The following CTNNA2 variants were observed in gnomAD, a reference collection of about 807,000 sequenced individuals.
CTNNA2 encodes catenin alpha 2.
CTNNA2 carries 42 observed loss-of-function variants against 101.0 expected under a neutral mutation model. The observed-to-expected ratio is 0.42, with a 90% CI of 0.32 to 0.54. The LOEUF (loss-of-function observed/expected upper bound fraction) is 0.54, where lower values mean the gene tolerates loss of function less well. Among genes scored for constraint, CTNNA2 ranks in the 20% least tolerant of loss-of-function variants. CTNNA2 has a pLI of 0.14. For synonymous variants in CTNNA2, 450 were observed against 456.4 expected, an observed-to-expected ratio of 0.99 and a Z score of 0.18; for missense variants, 871 against 1,223.1, an observed-to-expected ratio of 0.71 and a Z score of 4.29.
chr2:80,247,284 G>A (rs934905889), intron 7 of CTNNA2, among the ~76,000 whole-genome samples: 1 of 152,128 alleles, frequency 6.6e-6, no homozygotes, highest in African/African-American at 2.4e-5. Flanking sequence ...TGGACTCCCT[G>A]TTGCCAATAG....
At chr2:79,784,999 CT>C (rs375267617) in intron 3 of CTNNA2, among the ~76,000 whole-genome samples, 2 of 152,104 alleles carry the variant, frequency 1.3e-5, no homozygotes, top group Non-Finnish European at 1.5e-5. Flanking sequence ...GATATGTGTA[CT>C]TTTTTGTATA....
At chr2:79,802,682 T>G (rs1467016690) in intron 3 of CTNNA2, among the ~76,000 whole-genome samples, 1 of 152,216 alleles carries the variant, frequency 6.6e-6, no homozygotes, top group African/African-American at 2.4e-5. Context: ...AAAAAAGACT[T>G]GGAAGATTAA....
chr2:79,784,889 T>C (rs1444379888), intron 3 of CTNNA2, among the ~76,000 whole-genome samples: 1 of 152,112 alleles, frequency 6.6e-6, no homozygotes, highest in Non-Finnish European at 1.5e-5. Flanking sequence ...AACTTACTTA[T>C]GCTATTAGAA....
intron 2 of CTNNA2, among the ~76,000 whole-genome samples, chr2:79,208,452 TG>T (rs1044929817): frequency 2.0e-5 from 3 of 152,150 alleles, no homozygotes; most frequent in East Asian, 1.9e-4. Context: ...CCTGTTAGTA[TG>T]GGGGATATCC....
At chr2:79,405,413 C>A (rs866185687) in intron 4 of CTNNA2, among the ~76,000 whole-genome samples, 1 of 152,056 alleles carries the variant, frequency 6.6e-6, no homozygotes, top group Admixed American at 6.6e-5. Context: ...GCAATCTCCA[C>A]CTCCTGGGTT....
At chr2:80,317,619 C>T (rs1371813441) in intron 7 of CTNNA2, among the ~76,000 whole-genome samples, 3 of 152,168 alleles carry the variant, frequency 2.0e-5, no homozygotes, top group Admixed American at 2.0e-4. Flanking sequence ...TTCAAACTTT[C>T]CTCCTGGATT....
At chr2:79,288,725 C>T (rs754853408) in intron 2 of CTNNA2, among the ~76,000 whole-genome samples, 7 of 152,176 alleles carry the variant, frequency 4.6e-5, no homozygotes, top group Non-Finnish European at 1.0e-4. Flanking sequence ...CAGTCTCTTA[C>T]ACCTGGGCCC....
chr2:80,445,224 C>T (rs977835548), intron 9 of CTNNA2, among the ~76,000 whole-genome samples: 53 of 151,830 alleles, frequency 3.5e-4, no homozygotes, highest in African/African-American at 1.0e-3. Context: ...TCCTGTCATC[C>T]GGGCTGGAGT....
intron 2 of CTNNA2, among the ~76,000 whole-genome samples, chr2:79,208,853 ATAACTT>A (rs1674134016): frequency 6.6e-6 from 1 of 152,240 alleles, no homozygotes. Flanking sequence ...TCAGGAATGA[ATAACTT>A]TATATTACTC....
chr2:79,281,865 G>C (rs1241231785), intron 2 of CTNNA2, among the ~76,000 whole-genome samples: 6 of 152,144 alleles, frequency 3.9e-5, no homozygotes, highest in Non-Finnish European at 8.8e-5. Flanking sequence ...TTTTAGAGTA[G>C]AGATGCTGAT....
chr2:79,279,642 A>G (rs1415690431), intron 2 of CTNNA2, among the ~76,000 whole-genome samples: 1 of 152,142 alleles, frequency 6.6e-6, no homozygotes, highest in Non-Finnish European at 1.5e-5. Flanking sequence ...GACAGAATGC[A>G]TTGAGTCTGT....
At chr2:79,561,957 T>A (rs1674808250) in intron 1 of CTNNA2, among the ~76,000 whole-genome samples, 1 of 152,004 alleles carries the variant, frequency 6.6e-6, no homozygotes, top group Admixed American at 6.6e-5. Flanking sequence ...AAGTTTTTAA[T>A]TTTGAGGAAG....
At chr2:79,914,699 G>A (rs1016752216) in intron 7 of CTNNA2, among the ~76,000 whole-genome samples, 7 of 152,052 alleles carry the variant, frequency 4.6e-5, no homozygotes, top group Non-Finnish European at 1.0e-4. Context: ...GCTGTTCTCT[G>A]CTGTAAAATA....
At chr2:80,182,464 G>A (rs1705845049) in intron 7 of CTNNA2, among the ~76,000 whole-genome samples, 1 of 152,154 alleles carries the variant, frequency 6.6e-6, no homozygotes, top group Non-Finnish European at 1.5e-5. Flanking sequence ...CAGACACACT[G>A]AGGAACAATA....
At chr2:80,181,238 T>C (rs1705756493) in intron 7 of CTNNA2, among the ~76,000 whole-genome samples, 1 of 152,264 alleles carries the variant, frequency 6.6e-6, no homozygotes, top group Non-Finnish European at 1.5e-5. Context: ...CCATCACTGT[T>C]GTCTCAGGCA....
In CTNNA2 at chr2:79,686,580, T is replaced by C. The variant is rs947967740; in HGVS notation, c.102+34922T>C. ...AAAATCATTCTACAGTGACATAAAA[T>C]AGAGCCTTATAAATATATTTATCAA... On this transcript the variant is annotated intron_variant, in intron 2 of 18. Coordinates refer to ENST00000402739, the MANE Select transcript of CTNNA2 (RefSeq NM_001282597.3). Among the ~76,000 whole-genome samples the C allele has an allele frequency of 5.9e-5, 9 of 151,984 alleles. No individual in the cohort carries two copies. The South Asian group carries it at 8.3e-4, about 14-fold the overall frequency.
At chr2:79,270,088 T>C (rs1269273398) in intron 2 of CTNNA2, among the ~76,000 whole-genome samples, 1 of 151,906 alleles carries the variant, frequency 6.6e-6, no homozygotes, top group Non-Finnish European at 1.5e-5. Flanking sequence ...CTTCTCACAA[T>C]CCAGAAGTTT....
intron 7 of CTNNA2, among the ~76,000 whole-genome samples, chr2:80,087,013 C>A (rs1167272700): frequency 2.0e-5 from 3 of 151,984 alleles, no homozygotes; most frequent in Non-Finnish European, 2.9e-5. Flanking sequence ...AGCAGTCAGA[C>A]CCACCGGCTC....
intron 2 of CTNNA2, among the ~76,000 whole-genome samples, chr2:79,226,557 G>A (rs1285339113): frequency 6.6e-6 from 1 of 152,076 alleles, no homozygotes; most frequent in African/African-American, 2.4e-5. Flanking sequence ...GGAGCATAGC[G>A]GACGTTGTGT....
Sources: gnomAD v4.1 joint callset for allele counts (sites outside exome capture counted in the v4.1 genomes callset) on GRCh38, gnomAD v4.1.1 for gene constraint, MANE v1.5 for transcripts, NCBI Gene and HGNC (gene_info 2026-07-23, HGNC 2026-07-21) for gene names.